Variants in CENPP observed in about 807,000 individuals in gnomAD.
The protein encoded by CENPP is centromere protein P.
Under a neutral mutation model 35.6 loss-of-function variants are expected in CENPP, and 24 were observed. The ratio of observed to expected loss-of-function variants is 0.67; its 90% CI spans 0.49 to 0.95. The LOEUF (loss-of-function observed/expected upper bound fraction) is 0.95, where lower values mean the gene tolerates loss of function less well. Among genes scored for constraint, CENPP ranks in the 40% least tolerant of loss-of-function variants. The pLI is 0.00. For missense variants in CENPP, 332 were observed against 345.3 expected (o/e 0.96, Z 0.31); for synonymous variants, 120 against 125.5 (o/e 0.96, Z 0.29).
intron 5 of CENPP, among the ~76,000 whole-genome samples, chr9:92,441,315 G>A (rs1844381669): frequency 6.6e-6 from 1 of 152,132 alleles, no homozygotes; most frequent in Non-Finnish European, 1.5e-5. Context: ...GCAGACAGAG[G>A]AATATGTTAA....
At position 92,611,275 on chromosome 9, in the gene CENPP, A is replaced by G. The variant is rs767338782; in HGVS notation, c.565-39A>G. The G allele has an allele frequency of 7.1e-6, 11 of 1,546,726 alleles. No homozygotes were observed. In the African/African-American group the frequency reaches 1.5e-4, roughly 21 times the overall value. ...CCCCTCCCATGGCCCCTTTCTCCCC[A>G]CCAGTGGATCTGTCTACCCGTTTCT... On this transcript the variant is annotated intron_variant, in intron 5 of 7. Transcript: ENST00000375587.
Position 92,373,727 on chromosome 9 carries a change from G to A in CENPP, c.468-6036G>A, listed in dbSNP as rs373765271. Among the ~76,000 whole-genome samples, 7 of 152,254 alleles carry A rather than the reference G, an allele frequency of 4.6e-5. No homozygotes were observed. The South Asian group carries it at 1.5e-3, about 32-fold the overall frequency. ...TGTACTCCCAGCTACTCGGGAGGCT[G>A]AGGCAAGAGAATCACTTGAACCCAG... is the stretch of plus-strand genomic sequence containing the variant. On this transcript the variant is annotated intron_variant, in intron 4 of 7. Transcript: ENST00000375587.
chr9:92,584,844 C>T (rs764152754), intron 5 of CENPP, among the ~76,000 whole-genome samples: 2 of 152,142 alleles, frequency 1.3e-5, no homozygotes, highest in Non-Finnish European at 2.9e-5. Flanking sequence ...ATTCCTTTTA[C>T]ATTTTGTTTA....
intron 5 of CENPP, among the ~76,000 whole-genome samples, chr9:92,603,281 A>G (rs1295607935): frequency 2.0e-5 from 3 of 152,248 alleles, no homozygotes; most frequent in African/African-American, 4.8e-5. Context: ...TCTAACACAC[A>G]TAAGATCATA....
chr9:92,457,602 A>G (rs17519922), intron 5 of CENPP: 29,465 of 747,316 alleles, frequency 0.039, 794 homozygotes, highest in South Asian at 0.075. Flanking sequence ...CATTGGCTTG[A>G]ATGTATTTTC....
chr9:92,505,827 C>G (rs1281174008), intron 5 of CENPP: 1 of 664,974 alleles, frequency 1.5e-6, no homozygotes, highest in Non-Finnish European at 2.5e-6. Context: ...TTGTATCCTC[C>G]TATAAAACCT....
At chr9:92,495,443 A>G in intron 5 of CENPP, 1 of 985,272 alleles carries the variant, frequency 1.0e-6, no homozygotes, top group Non-Finnish European at 1.2e-6. Flanking sequence ...AGATGCTATG[A>G]CCAGTGGTGC....
At chr9:92,519,942 A>T (rs1018028865) in intron 5 of CENPP, among the ~76,000 whole-genome samples, 6 of 151,448 alleles carry the variant, frequency 4.0e-5, no homozygotes, top group African/African-American at 1.5e-4. Context: ...GAATATTCAT[A>T]AAGAACTCTT....
chr9:92,425,337 G>C (rs546354430), intron 5 of CENPP, among the ~76,000 whole-genome samples: 5 of 152,116 alleles, frequency 3.3e-5, no homozygotes, highest in Non-Finnish European at 7.4e-5. Context: ...CTGTAGTATT[G>C]AATAAAATGG....
intron 5 of CENPP, among the ~76,000 whole-genome samples, chr9:92,428,507 T>G (rs1844024810): frequency 6.6e-6 from 1 of 152,168 alleles, no homozygotes; most frequent in Admixed American, 6.5e-5. Flanking sequence ...ACTTTCAAAT[T>G]GAATCTATTG....
rs1851229430 is a variant in CENPP at position 92,611,173 on chromosome 9, G to A, written c.565-141G>A. The A allele has an allele frequency of 1.3e-5, 9 of 684,924 alleles. No homozygotes were observed. In the South Asian group the frequency reaches 1.4e-4, roughly 10 times the overall value. The allele number at this position is 684,924 out of a possible 1,614,324, so 42.4% of individuals were successfully genotyped here. A position where few individuals can be genotyped will look rare whatever the true frequency, so the allele number is the denominator to read the frequency against. The stretch of plus-strand genomic sequence containing the variant: ...ACGTGTGTGACAGCAAGGGCAAGAG[G>A]GGCGGTTGGCACCCATGGATGCTGC... On this transcript the variant is annotated intron_variant, in intron 5 of 7. Transcript: ENST00000375587.
intron 5 of CENPP, among the ~76,000 whole-genome samples, chr9:92,533,328 A>AAAATAT (rs1554683138): frequency 8.3e-4 from 32 of 38,328 alleles, no homozygotes; most frequent in East Asian, 1.5e-3. Context: ...AAAAAAAAAA[A>AAAATAT]ATATATATAT....
chr9:92,434,343 T>C (rs930801457), intron 5 of CENPP, among the ~76,000 whole-genome samples: 1 of 150,552 alleles, frequency 6.6e-6, no homozygotes, highest in Non-Finnish European at 1.5e-5. Flanking sequence ...GAGCCAAGAT[T>C]GTGCCCCTGC....
chr9:92,337,604 T>C lies in CENPP; in HGVS notation c.353T>C (p.Leu118Pro). ...AATTGCCACATGGTTACATTTCAAC[T>C]TGAATTTCAGATTCTGGAAATTCAG... ...SGNCHMVTFQ[L>P]EFQILEIQNK... The change falls in exon 3 of 8, where the codon CTT (leucine) becomes CCT (proline). Residue 118 changes from leucine (L) to proline (P), a missense_variant. Leu to Pro is a moderately conservative substitution (Grantham distance 98). Transcript: ENST00000375587. The C allele has an allele frequency of 6.2e-7, 1 of 1,604,770 alleles. No individual in the cohort carries two copies. The highest frequency in any genetic ancestry group is 8.5e-7 in the Non-Finnish European group (1 of 1,171,520).
chr9:92,508,346 C>T (rs1208055202), intron 5 of CENPP, among the ~76,000 whole-genome samples: 1 of 152,236 alleles, frequency 6.6e-6, no homozygotes, highest in Non-Finnish European at 1.5e-5. Context: ...CTAAGAAAGG[C>T]AGGCAGACAG....
chr9:92,550,226 T>C (rs1849559516), intron 5 of CENPP, among the ~76,000 whole-genome samples: 1 of 152,098 alleles, frequency 6.6e-6, no homozygotes, highest in Admixed American at 6.6e-5. Flanking sequence ...CGAAACCCCG[T>C]CTCTACTAAA....
At chr9:92,554,871 C>T (rs906539500) in intron 5 of CENPP, among the ~76,000 whole-genome samples, 4 of 151,040 alleles carry the variant, frequency 2.6e-5, no homozygotes, top group Admixed American at 2.0e-4. Context: ...CTCCTGACCT[C>T]GTGATCCATC....
intron 4 of CENPP, among the ~76,000 whole-genome samples, chr9:92,352,668 A>G (rs1394861893): frequency 6.6e-6 from 1 of 150,884 alleles, no homozygotes; most frequent in Admixed American, 6.6e-5. Context: ...TTCAGTGTTC[A>G]AGGACAGGAA....
intron 5 of CENPP, chr9:92,403,304 G>T (rs769450525): frequency 6.2e-7 from 1 of 1,611,716 alleles, no homozygotes. Context: ...AAAATTATCT[G>T]TTCCATAATC....
Sources: gnomAD v4.1 joint callset for allele counts (sites outside exome capture counted in the v4.1 genomes callset) on GRCh38, gnomAD v4.1.1 for gene constraint, MANE v1.5 for transcripts, NCBI Gene and HGNC (gene_info 2026-07-23, HGNC 2026-07-21) for gene names.